CEP128: variants seen among roughly 807,000 people sequenced by gnomAD.
CEP128 encodes centrosomal protein 128kDa.
Under a neutral mutation model 156.7 loss-of-function variants are expected in CEP128, and 132 were observed. The ratio of observed to expected loss-of-function variants is 0.84; its 90% CI spans 0.73 to 0.97. The LOEUF is 0.97. CEP128 is among the 50% of genes least tolerant of loss of function. CEP128 has a pLI of 0.00. For missense variants in CEP128, 1,252 were observed against 1,281.9 expected, an observed-to-expected ratio of 0.98 and a Z score of 0.36; for synonymous variants, 469 against 448.9, an observed-to-expected ratio of 1.04 and a Z score of -0.57.
At chr14:80,824,778 T>C (rs773725070) in intron 13 of CEP128, among the ~76,000 whole-genome samples, 1 of 152,214 alleles carries the variant, frequency 6.6e-6, no homozygotes, top group Non-Finnish European at 1.5e-5. Flanking sequence ...ATGTATTCTT[T>C]TGAGTCTTCC....
intron 19 of CEP128, among the ~76,000 whole-genome samples, chr14:80,629,704 G>A (rs1893884737): frequency 6.6e-6 from 1 of 151,850 alleles, no homozygotes; most frequent in South Asian, 2.1e-4. Flanking sequence ...GGTTTTTATT[G>A]TTTGTTGATT....
intron 19 of CEP128, among the ~76,000 whole-genome samples, chr14:80,679,139 A>C (rs1456792618): frequency 6.6e-6 from 1 of 152,154 alleles, no homozygotes; most frequent in Non-Finnish European, 1.5e-5. Context: ...CACTGTGATA[A>C]TTGTATCTAA....
intron 21 of CEP128, among the ~76,000 whole-genome samples, chr14:80,548,309 T>C (rs1041431322): frequency 9.8e-5 from 15 of 152,290 alleles, no homozygotes; most frequent in Non-Finnish European, 1.5e-4. Context: ...CATATAATAA[T>C]TTTCAGCTAA....
upstream of CEP128, among the ~76,000 whole-genome samples, chr14:80,946,148 A>G (rs1228355293): frequency 2.0e-5 from 3 of 152,208 alleles, no homozygotes; most frequent in South Asian, 6.2e-4. Context: ...TGTGTAAAGC[A>G]CTAAGCCTAG....
At chr14:80,542,845 T>C (rs1382629402) in intron 21 of CEP128, among the ~76,000 whole-genome samples, 2 of 152,194 alleles carry the variant, frequency 1.3e-5, no homozygotes, top group Non-Finnish European at 2.9e-5. Flanking sequence ...ATGATCATTG[T>C]TCTGGCTAAG....
intron 13 of CEP128, 69 bp downstream of exon 13, chr14:80,831,074 A>C (rs1885765218): frequency 7.3e-7 from 1 of 1,374,772 alleles, no homozygotes; most frequent in Non-Finnish European, 1.0e-6. Context: ...TTATATTAAA[A>C]TTTCATTAAG....
intron 13 of CEP128, among the ~76,000 whole-genome samples, chr14:80,817,346 G>A (rs893504174): frequency 6.6e-6 from 1 of 152,144 alleles, no homozygotes; most frequent in African/African-American, 2.4e-5. Flanking sequence ...AAATAGGAAA[G>A]TGTGACTTAT....
intron 19 of CEP128, among the ~76,000 whole-genome samples, chr14:80,615,955 T>C (rs1305273484): frequency 1.3e-5 from 2 of 152,220 alleles, no homozygotes; most frequent in Non-Finnish European, 2.9e-5. Flanking sequence ...TCTCGATTTA[T>C]ATCAGCACAG....
intron 2 of CEP128, among the ~76,000 whole-genome samples, chr14:80,916,903 A>C (rs950015408): frequency 2.0e-5 from 3 of 152,202 alleles, no homozygotes; most frequent in Non-Finnish European, 4.4e-5. Context: ...CAACACCATA[A>C]GGTAGATGAG....
intron 23 of CEP128, among the ~76,000 whole-genome samples, chr14:80,508,944 G>A (rs1200955982): frequency 2.0e-5 from 3 of 152,108 alleles, no homozygotes; most frequent in African/African-American, 4.8e-5. Flanking sequence ...TCACTGTTCC[G>A]GATGGCTGGG....
downstream of CEP128, among the ~76,000 whole-genome samples, chr14:80,492,869 A>C (rs1356298160): frequency 6.6e-6 from 1 of 152,180 alleles, no homozygotes; most frequent in African/African-American, 2.4e-5. Context: ...GCTAGTGACT[A>C]AGGAACATTT....
At chr14:80,779,597 G>A (rs1487065795) in intron 15 of CEP128, among the ~76,000 whole-genome samples, 2 of 152,126 alleles carry the variant, frequency 1.3e-5, no homozygotes, top group Admixed American at 6.5e-5. Context: ...AGCCAACTGG[G>A]CTCTTCTCTT....
intron 19 of CEP128, among the ~76,000 whole-genome samples, chr14:80,640,195 T>A (rs1383465097): frequency 6.6e-6 from 1 of 152,174 alleles, no homozygotes; most frequent in African/African-American, 2.4e-5. Flanking sequence ...CACACTCTCA[T>A]CTTTCTTTTC....
chr14:80,713,604 T>C (rs984485820), intron 19 of CEP128, among the ~76,000 whole-genome samples: 4 of 152,302 alleles, frequency 2.6e-5, no homozygotes, highest in Admixed American at 6.5e-5. Flanking sequence ...AAAGTAAGTA[T>C]CTACACTAGT....
At chr14:80,512,226 A>G (rs1888292790) in intron 23 of CEP128, among the ~76,000 whole-genome samples, 1 of 152,044 alleles carries the variant, frequency 6.6e-6, no homozygotes, top group Admixed American at 6.6e-5. Context: ...AGCTCCAATA[A>G]TATTGGCTTT....
At chr14:80,561,251 T>C (rs1439718202) in intron 20 of CEP128, among the ~76,000 whole-genome samples, 1 of 152,206 alleles carries the variant, frequency 6.6e-6, no homozygotes, top group Non-Finnish European at 1.5e-5. Flanking sequence ...AGCAATATAA[T>C]CTGTTTAATT....
intron 19 of CEP128, among the ~76,000 whole-genome samples, chr14:80,673,377 C>T (rs1489559338): frequency 6.6e-6 from 1 of 152,102 alleles, no homozygotes; most frequent in Non-Finnish European, 1.5e-5. Context: ...GGCGCGGTGG[C>T]TCACGCCTGT....
Position 80,916,561 on chromosome 14 carries a change from T to A in CEP128, c.-14A>T. On this transcript the variant is annotated splice_region_variant and 5_prime_UTR_variant, in exon 3 of 25. Coordinates refer to ENST00000555265, the MANE Select transcript of CEP128 (RefSeq NM_152446.5). The stretch of plus-strand genomic sequence containing the variant: ...TGATTCTGCCATTGATGTACACAAA[T>A]CCTTTTAAATAAATATAGGTCAAAG... 6.2e-7 allele frequency: 1 copy of A among 1,607,248 alleles called. No homozygotes were observed. Among genetic ancestry groups the A allele is most frequent in the Non-Finnish European group, 8.5e-7 (1 of 1,176,660 alleles).
chr14:80,538,743 A>G (rs1398150519), intron 21 of CEP128, among the ~76,000 whole-genome samples: 1 of 152,186 alleles, frequency 6.6e-6, no homozygotes, highest in Non-Finnish European at 1.5e-5. Flanking sequence ...TGTAATGAAA[A>G]GCACAAATCC....
Sources: gnomAD v4.1 joint callset for allele counts (sites outside exome capture counted in the v4.1 genomes callset) on GRCh38, gnomAD v4.1.1 for gene constraint, MANE v1.5 for transcripts, NCBI Gene and HGNC (gene_info 2026-07-23, HGNC 2026-07-21) for gene names.